Variants in CDC73 observed in about 807,000 individuals in gnomAD.
The protein encoded by CDC73 is cell division cycle 73, also known as parafibromin.
In CDC73, 21 loss-of-function variants were observed where a neutral mutation model predicts 83.7. That is an observed-to-expected ratio of 0.25 (90% CI 0.18 to 0.36). The LOEUF is 0.36. CDC73 is among the 10% of genes least tolerant of loss of function. The pLI is 1.00. For missense variants in CDC73, 342 were observed against 653.3 expected, an observed-to-expected ratio of 0.52 and a Z score of 5.19; for synonymous variants, 224 against 212.9, an observed-to-expected ratio of 1.05 and a Z score of -0.45.
intron 10 of CDC73, among the ~76,000 whole-genome samples, chr1:193,192,001 TAACA>T (rs1434655889): frequency 4.6e-5 from 7 of 152,322 alleles, no homozygotes; most frequent in Non-Finnish European, 8.8e-5. Flanking sequence ...ATTTAAAGTA[TAACA>T]AACAATTTGT....
At chr1:193,233,188 G>C in intron 14 of CDC73, 34 bp downstream of exon 14, 2 of 1,566,384 alleles carry the variant, frequency 1.3e-6, no homozygotes, top group South Asian at 1.1e-5. Flanking sequence ...TCTTTTCACA[G>C]GTGTTGAACC....
At chr1:193,196,945 A>T (rs534722302) in intron 10 of CDC73, among the ~76,000 whole-genome samples, 35 of 152,144 alleles carry the variant, frequency 2.3e-4, no homozygotes, top group Non-Finnish European at 4.0e-4. Flanking sequence ...TTCTTGCCTA[A>T]TTTCTCTGGC....
chr1:193,228,634 A>T (rs1279162236), intron 13 of CDC73, among the ~76,000 whole-genome samples: 2 of 152,234 alleles, frequency 1.3e-5, no homozygotes, highest in Non-Finnish European at 2.9e-5. Flanking sequence ...GAGAGGAATG[A>T]CTGTCAGCCA....
chr1:193,206,397 A>G (rs1344446658), intron 11 of CDC73, among the ~76,000 whole-genome samples: 3 of 152,178 alleles, frequency 2.0e-5, no homozygotes, highest in Non-Finnish European at 4.4e-5. Context: ...TTTCCTACCC[A>G]TCATTCTAAA....
At chr1:193,218,636 C>T (rs1198208708) in intron 13 of CDC73, among the ~76,000 whole-genome samples, 1 of 152,152 alleles carries the variant, frequency 6.6e-6, no homozygotes, top group Non-Finnish European at 1.5e-5. Context: ...TGCTTTTTGA[C>T]AAAGTCGACA....
At chr1:193,135,492 C>G in intron 4 of CDC73, 39 bp downstream of exon 4, 3 of 1,607,012 alleles carry the variant, frequency 1.9e-6, no homozygotes, top group African/African-American at 1.3e-5. Flanking sequence ...CTTTCAGAAG[C>G]CCATTCCAAA....
At chr1:193,181,627 A>G in intron 10 of CDC73, 2 of 1,368,122 alleles carry the variant, frequency 1.5e-6, no homozygotes, top group Non-Finnish European at 2.0e-6. Context: ...TCTCCTTAAT[A>G]CTATTCTTTG....
In CDC73 at chr1:193,135,579, C is replaced by T. The variant is rs2103121717; in HGVS notation, c.413C>T (p.Pro138Leu). The T allele has an allele frequency of 6.2e-7, 1 of 1,610,570 alleles. No homozygotes were observed. Among genetic ancestry groups the T allele is most frequent in the South Asian group, 1.1e-5 (1 of 90,960 alleles). Residue 138 changes from proline to leucine, a missense_variant, in exon 5 of 17, where the codon CCA becomes CTA. Coordinates refer to ENST00000367435, the MANE Select transcript of CDC73 (RefSeq NM_024529.5). ...ADEVLAEAKK[P>L]RIEDEECVRL... ...GAAGTTTTAGCAGAAGCAAAGAAAC[C>T]ACGAATTGAGGTAAAGAAACTGTAT...
chr1:193,122,380 G>A (rs370173791), intron 1 of CDC73, 49 bp downstream of exon 1: 11 of 1,612,246 alleles, frequency 6.8e-6, no homozygotes, highest in Non-Finnish European at 9.3e-6. Context: ...AGAGTTGGGC[G>A]CCCCCAGGCG....
chr1:193,122,469 T>C, intron 1 of CDC73, 138 bp downstream of exon 1: 5 of 1,158,758 alleles, frequency 4.3e-6, no homozygotes, highest in Non-Finnish European at 6.4e-6. Context: ...AGTTTCTCTC[T>C]AGAGCAGAAG....
At chr1:193,201,487 T>C (rs1677090996) in intron 10 of CDC73, among the ~76,000 whole-genome samples, 2 of 152,204 alleles carry the variant, frequency 1.3e-5, no homozygotes, top group Admixed American at 1.3e-4. Context: ...GCTAGTGGTT[T>C]TAACAGCTAG....
At chr1:193,229,832 G>A (rs527821511) in intron 13 of CDC73, among the ~76,000 whole-genome samples, 1 of 152,294 alleles carries the variant, frequency 6.6e-6, no homozygotes, top group East Asian at 1.9e-4. Flanking sequence ...ATATGAGTGT[G>A]TCTATATAAA....
intron 10 of CDC73, among the ~76,000 whole-genome samples, chr1:193,164,293 C>G (rs1024698240): frequency 3.9e-5 from 6 of 152,100 alleles, no homozygotes; most frequent in Admixed American, 3.3e-4. Flanking sequence ...GTTTTGTTGC[C>G]TATGGTTGAT....
intron 13 of CDC73, among the ~76,000 whole-genome samples, chr1:193,222,291 C>G (rs918084541): frequency 6.6e-6 from 1 of 152,078 alleles, no homozygotes; most frequent in African/African-American, 2.4e-5. Context: ...GTAGAGGGTT[C>G]TCCTTACATC....
intron 10 of CDC73, among the ~76,000 whole-genome samples, chr1:193,172,829 A>G (rs1169883515): frequency 1.3e-5 from 2 of 152,182 alleles, no homozygotes; most frequent in Non-Finnish European, 2.9e-5. Flanking sequence ...TTCCTAAACC[A>G]TTGCTGTATC....
At chr1:193,246,653 T>G (rs1207266219) in intron 15 of CDC73, among the ~76,000 whole-genome samples, 1 of 152,146 alleles carries the variant, frequency 6.6e-6, no homozygotes, top group Middle Eastern at 3.2e-3. Context: ...CAAATTTTGT[T>G]AGTTTTCATT....
chr1:193,153,493 A>G (rs1283201285), intron 10 of CDC73, among the ~76,000 whole-genome samples: 5 of 152,194 alleles, frequency 3.3e-5, no homozygotes, highest in East Asian at 1.9e-4. Flanking sequence ...TACGGACTCT[A>G]TATAACATGG....
chr1:193,165,520 CAT>C (rs1676421467), intron 10 of CDC73, among the ~76,000 whole-genome samples: 1 of 152,114 alleles, frequency 6.6e-6, no homozygotes, highest in Non-Finnish European at 1.5e-5. Context: ...TCTGCTGTGA[CAT>C]ATTTGAAAGA....
At chr1:193,135,665 T>C in intron 5 of CDC73, 76 bp downstream of exon 5, 1 of 1,197,130 alleles carries the variant, frequency 8.4e-7, no homozygotes, top group East Asian at 2.6e-5. Context: ...AAGGATTCTT[T>C]GATTGCAGTA....
Sources: allele counts gnomAD v4.1 joint callset (sites outside exome capture counted in the v4.1 genomes callset), GRCh38; gene constraint gnomAD v4.1.1; transcripts MANE v1.5; gene names NCBI Gene and HGNC (gene_info 2026-07-23, HGNC 2026-07-21).